EEA1: variants seen among roughly 807,000 people sequenced by gnomAD.
EEA1 encodes early endosome antigen 1, 162kD.
EEA1 carries 111 observed loss-of-function variants against 209.2 expected under a neutral mutation model. That is an observed-to-expected ratio of 0.53 (90% CI 0.45 to 0.62). EEA1 has a LOEUF of 0.62. EEA1 is among the 20% of genes least tolerant of loss of function. The probability of loss-of-function intolerance (pLI) is 0.00; values close to 1 mark genes in which losing one functional copy is unlikely to be tolerated. For missense variants in EEA1, 1,343 were observed against 1,530.8 expected (o/e 0.88, Z 2.05); for synonymous variants, 536 against 540.6 (o/e 0.99, Z 0.12).
chr12:92,864,631 C>T lies in EEA1; in HGVS notation c.245+229G>A, dbSNP rs199713374. 2.6e-5 allele frequency among the ~76,000 whole-genome samples: 4 copies of T among 152,216 alleles called. No homozygotes were observed. The East Asian group carries it at 7.7e-4, about 29-fold the overall frequency. ...TCTTCTTTTGCTAACTCACAATCTT[C>T]ATTAAAAACATAACCTATGTACCGT... is the stretch of plus-strand genomic sequence containing the variant. On this transcript the variant is annotated intron_variant, in intron 3 of 28. Coordinates refer to ENST00000322349, the MANE Select transcript of EEA1 (RefSeq NM_003566.4).
At chr12:92,806,958 G>A (rs1875240241) in intron 18 of EEA1, among the ~76,000 whole-genome samples, 1 of 146,440 alleles carries the variant, frequency 6.8e-6, no homozygotes, top group Non-Finnish European at 1.5e-5. Flanking sequence ...TTTTTTTTGA[G>A]ACGGAGTCTC....
rs1879630679 is a variant in EEA1 at position 92,890,876 on chromosome 12, A to G, written c.117+753T>C. Among the ~76,000 whole-genome samples the G allele has an allele frequency of 2.6e-5, 4 of 152,190 alleles. No homozygotes were observed. In the South Asian group the frequency reaches 8.3e-4, roughly 32 times the overall value. On this transcript the variant is annotated intron_variant, in intron 2 of 28. Coordinates refer to ENST00000322349, the MANE Select transcript of EEA1 (RefSeq NM_003566.4). ...AGGACATATCCAGAAACGTATGCAC[A>G]ATACACAGACTCATCAACCAAGAGG...
intron 18 of EEA1, among the ~76,000 whole-genome samples, chr12:92,803,313 T>C (rs1364512468): frequency 1.3e-5 from 2 of 152,106 alleles, no homozygotes; most frequent in Non-Finnish European, 2.9e-5. Context: ...AAAGGATTTG[T>C]TATCATTTGT....
intron 2 of EEA1, among the ~76,000 whole-genome samples, chr12:92,880,380 C>T (rs1359968547): frequency 6.6e-6 from 1 of 152,206 alleles, no homozygotes; most frequent in East Asian, 1.9e-4. Context: ...TCTCGGCTCA[C>T]CGCAGCCTCC....
intron 13 of EEA1, 75 bp downstream of exon 13, chr12:92,826,091 T>A: frequency 2.8e-6 from 4 of 1,447,960 alleles, no homozygotes; most frequent in South Asian, 2.8e-5. Flanking sequence ...TTAATTAATT[T>A]TATTTTTTCT....
intron 2 of EEA1, among the ~76,000 whole-genome samples, chr12:92,882,102 T>C (rs1879172552): frequency 6.6e-6 from 1 of 152,056 alleles, no homozygotes; most frequent in African/African-American, 2.4e-5. Context: ...TTTCTAGTCA[T>C]ATGATTTTTC....
At chr12:92,839,049 C>CA (rs1240981908) in intron 10 of EEA1, among the ~76,000 whole-genome samples, 12 of 152,142 alleles carry the variant, frequency 7.9e-5, no homozygotes, top group Non-Finnish European at 1.5e-5. Context: ...CTCAAGCTTT[C>CA]AAATACAGCT....
intron 1 of EEA1, among the ~76,000 whole-genome samples, chr12:92,928,521 G>A (rs577146768): frequency 1.8e-4 from 28 of 152,310 alleles, no homozygotes; most frequent in African/African-American, 6.0e-4. Context: ...CTAGGCCGGG[G>A]CTCACCACAC....
At chr12:92,928,932 T>G in intron 1 of EEA1, 111 bp downstream of exon 1, 1 of 1,156,458 alleles carries the variant, frequency 8.6e-7, no homozygotes, top group Non-Finnish European at 1.2e-6. Context: ...TGCCGGGCTG[T>G]GGGGCCTAGG....
chr12:92,902,740 TAA>T (rs35323066), intron 1 of EEA1, among the ~76,000 whole-genome samples: 34 of 125,072 alleles, frequency 2.7e-4, no homozygotes, highest in South Asian at 5.2e-4. Flanking sequence ...AATTCTGTCT[TAA>T]AAAAAAAAAA....
At chr12:92,862,968 A>G (rs1242271240) in intron 3 of EEA1, among the ~76,000 whole-genome samples, 2 of 152,224 alleles carry the variant, frequency 1.3e-5, no homozygotes, top group African/African-American at 4.8e-5. Flanking sequence ...TGCCTCCAGA[A>G]CATCTGAGGG....
At chr12:92,787,487 T>C (rs1874184176) in intron 22 of EEA1, among the ~76,000 whole-genome samples, 1 of 152,126 alleles carries the variant, frequency 6.6e-6, no homozygotes, top group Admixed American at 6.5e-5. Flanking sequence ...TTGACAAATA[T>C]TATAACTAAT....
chr12:92,797,542 T>C (rs1874711359), intron 21 of EEA1, among the ~76,000 whole-genome samples: 1 of 152,182 alleles, frequency 6.6e-6, no homozygotes, highest in African/African-American at 2.4e-5. Flanking sequence ...AGAAATATTA[T>C]TATAACTCAT....
At chr12:92,828,082 A>AT (rs760330586) in intron 11 of EEA1, 21 bp from the exon 12 acceptor site, 2 of 1,541,742 alleles carry the variant, frequency 1.3e-6, no homozygotes, top group Admixed American at 4.5e-5. Flanking sequence ...AGAAAAAAAA[A>AT]TGTATGTACA....
Position 92,826,168 on chromosome 12 carries a change from G to C in EEA1, c.1522C>G (p.Gln508Glu), listed in dbSNP as rs1224512298. ...QSTTAKLREA[Q>E]NDLEQVLRQI... ...CTAATAACGCAACTAATGTTTACCTGAGCTTCTCGAAGTTTTGCCGTGGTG... is the reference window on the plus strand; with the variant it reads ...CTAATAACGCAACTAATGTTTACCTCAGCTTCTCGAAGTTTTGCCGTGGTG... Residue 508 changes from glutamine to glutamate, a missense_variant and splice_region_variant, in exon 13 of 29, where the codon CAG becomes GAG. This residue lies in a region of EEA1 where 1,307 missense variants were observed against 1,465.5 expected (regional missense o/e 0.89). Transcript: ENST00000322349. 1 of 1,612,854 alleles carries C rather than the reference G, an allele frequency of 6.2e-7. No homozygotes were observed. Among genetic ancestry groups the C allele is most frequent in the African/African-American group, 1.3e-5 (1 of 74,984 alleles).
chr12:92,871,643 G>A (rs1450478413), intron 2 of EEA1, among the ~76,000 whole-genome samples: 2 of 152,118 alleles, frequency 1.3e-5, no homozygotes, highest in African/African-American at 2.4e-5. Context: ...TCTGGTATAC[G>A]TAAGGAAAAT....
chr12:92,925,319 A>G (rs1881172190), intron 1 of EEA1, among the ~76,000 whole-genome samples: 1 of 152,124 alleles, frequency 6.6e-6, no homozygotes, highest in Non-Finnish European at 1.5e-5. Context: ...GGTTCAAGCA[A>G]TTCTCCCACC....
chr12:92,887,031 CAAAG>C (rs935237232), intron 2 of EEA1, among the ~76,000 whole-genome samples: 5 of 20,308 alleles, frequency 2.5e-4, no homozygotes, highest in African/African-American at 6.4e-4. Flanking sequence ...CAAACAAAAA[CAAAG>C]AAAAAAAGAA....
intron 16 of EEA1, 95 bp from the exon 17 acceptor site, chr12:92,811,529 T>A (rs1325438193): frequency 7.3e-6 from 6 of 825,228 alleles, no homozygotes; most frequent in Non-Finnish European, 8.3e-6. Flanking sequence ...TAATTTTATT[T>A]AAAAAAATAT....
Sources: gnomAD v4.1 joint callset for allele counts (sites outside exome capture counted in the v4.1 genomes callset) on GRCh38, gnomAD v4.1.1 for gene constraint, gnomAD v4.1.1 regional missense constraint, MANE v1.5 for transcripts, NCBI Gene and HGNC (gene_info 2026-07-23, HGNC 2026-07-21) for gene names.